Variants in ZNF860 observed in about 807,000 individuals in gnomAD.
ZNF860 encodes zinc finger protein 860.
For missense variants in ZNF860, 641 were observed against 759.2 expected (o/e 0.84, Z 1.83); for synonymous variants, 206 against 248.9 (o/e 0.83, Z 1.62).
At chr3:31,999,692 C>T in the ZNF860 span, among the ~76,000 whole-genome samples, 1 of 152,128 alleles carries the variant, frequency 6.6e-6, no homozygotes, top group African/African-American at 2.4e-5. Flanking sequence ...CTTTGCCATT[C>T]ATAAGTTTTG....
chr3:32,004,694 G>C, the ZNF860 span, among the ~76,000 whole-genome samples: 2 of 152,184 alleles, frequency 1.3e-5, no homozygotes, highest in East Asian at 1.9e-4. Context: ...CAGGTACCAA[G>C]AGAACAACAG....
the ZNF860 span, among the ~76,000 whole-genome samples, chr3:32,004,754 C>G: frequency 6.6e-6 from 1 of 152,114 alleles, no homozygotes; most frequent in Non-Finnish European, 1.5e-5. Flanking sequence ...CAGACACATG[C>G]GCAGTTATTT....
At position 31,990,474 on chromosome 3, in the gene ZNF860, C is replaced by T; in HGVS notation, c.1395C>T (p.His465=). 1.9e-6 allele frequency: 3 copies of T among 1,542,342 alleles called. No homozygotes were observed. The highest frequency in any genetic ancestry group is 2.6e-6 in the Non-Finnish European group (3 of 1,149,708). Residue 465 remains histidine (H), a synonymous_variant, in exon 2 of 2, where the codon CAC becomes CAT. Coordinates refer to ENST00000360311, the MANE Select transcript of ZNF860 (RefSeq NM_001137674.3). ...KCNECGKTFH[H]NSALVIHKAI... ...ATGAGTGTGGCAAGACCTTCCATCA[C>T]AATTCAGCCCTTGTAATTCATAAGG...
chr3:31,995,913 A>G (rs1699086693), downstream of ZNF860, among the ~76,000 whole-genome samples: 1 of 152,076 alleles, frequency 6.6e-6, no homozygotes, highest in Non-Finnish European at 1.5e-5. Flanking sequence ...CATCCATGAC[A>G]TCTCCCCTTC....
At chr3:31,993,049 G>T (rs1290638193), downstream of ZNF860, among the ~76,000 whole-genome samples, 1 of 151,950 alleles carries the variant, frequency 6.6e-6, no homozygotes, top group African/African-American at 2.4e-5. Context: ...AAAAGATATG[G>T]GTAAGGAAAT....
chr3:32,001,203 G>A, the ZNF860 span, among the ~76,000 whole-genome samples: 2 of 152,226 alleles, frequency 1.3e-5, no homozygotes, highest in Admixed American at 6.5e-5. Flanking sequence ...ACCAAGCAGC[G>A]ATGCCTAAGA....
downstream of ZNF860, among the ~76,000 whole-genome samples, chr3:31,996,355 T>TCC (rs574866941): frequency 8.5e-5 from 13 of 152,082 alleles, no homozygotes; most frequent in African/African-American, 3.1e-4. Flanking sequence ...CTCTAAACTC[T>TCC]CCCCCCCGTG....
intron 1 of ZNF860, among the ~76,000 whole-genome samples, chr3:31,982,390 A>G (rs1402292410): frequency 6.6e-6 from 1 of 152,212 alleles, no homozygotes; most frequent in Non-Finnish European, 1.5e-5. Flanking sequence ...AAAAGGTGAT[A>G]GATGATAGGT....
chr3:31,989,166 G>A lies in ZNF860; in HGVS notation c.87G>A (p.Val29=), dbSNP rs773674971. 3.7e-6 allele frequency: 6 copies of A among 1,614,024 alleles called. No individual in the cohort carries two copies. In the South Asian group the frequency reaches 4.4e-5, roughly 12 times the overall value. ...AGGGACACTTGACTTTTAGGGATGT[G>A]GCTATAGAATTCTCTTTGGAGGAGT... is the stretch of plus-strand genomic sequence containing the variant. ...LPQGHLTFRD[V]AIEFSLEEWK... Residue 29 remains valine (V), a synonymous_variant, in exon 2 of 2, where the codon GTG becomes GTA. Transcript: ENST00000360311.
chr3:32,000,400 A>G, the ZNF860 span, among the ~76,000 whole-genome samples: 1 of 152,158 alleles, frequency 6.6e-6, no homozygotes, highest in South Asian at 2.1e-4. Flanking sequence ...TCATAGCTAT[A>G]TGACCTCTCT....
At chr3:32,004,567 G>A in the ZNF860 span, among the ~76,000 whole-genome samples, 1 of 152,196 alleles carries the variant, frequency 6.6e-6, no homozygotes, top group African/African-American at 2.4e-5. Flanking sequence ...CTTGTTTCCA[G>A]GCATCACATT....
chr3:31,992,978 A>G (rs1699050038), downstream of ZNF860, among the ~76,000 whole-genome samples: 1 of 152,104 alleles, frequency 6.6e-6, no homozygotes, highest in African/African-American at 2.4e-5. Flanking sequence ...ACTCCAGCCC[A>G]GGCAATAGAG....
chr3:31,985,712 A>G (rs1489792170), intron 1 of ZNF860, among the ~76,000 whole-genome samples: 1 of 152,236 alleles, frequency 6.6e-6, no homozygotes, highest in Non-Finnish European at 1.5e-5. Context: ...TCTGATATCA[A>G]CTTGGTCATG....
chr3:31,990,268 C>A lies in ZNF860; in HGVS notation c.1189C>A (p.Leu397Ile). 6.2e-7 allele frequency: 1 copy of A among 1,614,024 alleles called. No individual in the cohort carries two copies. Among genetic ancestry groups the A allele is most frequent in the Non-Finnish European group, 8.5e-7 (1 of 1,179,968 alleles). ...TCAAGCAATCCATGGTATAGGGAAA[C>A]TTTATAAATGTAATGATTGTCACAA... ...HHQAIHGIGK[L>I]YKCNDCHKVF... is the part of the protein sequence containing the mutation. The change falls in exon 2 of 2, where the codon CTT becomes ATT. Residue 397 changes from leucine to isoleucine, a missense_variant. By Grantham distance (5) the Leu-to-Ile change is conservative. Transcript: ENST00000360311.
chr3:32,000,875 G>T, the ZNF860 span, among the ~76,000 whole-genome samples: 1 of 152,260 alleles, frequency 6.6e-6, no homozygotes, highest in East Asian at 1.9e-4. Context: ...ACTCTAAGAC[G>T]TGCAGCTTTC....
At chr3:32,001,254 G>A in the ZNF860 span, among the ~76,000 whole-genome samples, 16,020 of 152,118 alleles carry the variant, frequency 0.11, 1,021 homozygotes, top group East Asian at 0.32. Flanking sequence ...TGTCCCAAGA[G>A]AACTTCCCGG....
Position 31,988,936 on chromosome 3 carries a change from C to T in ZNF860, c.-144C>T, listed in dbSNP as rs529743590. The T allele has an allele frequency of 1.4e-5, 15 of 1,074,776 alleles. No homozygotes were observed. The East Asian group carries it at 2.1e-4, about 15-fold the overall frequency. 66.6% of individuals were successfully genotyped at this position (1,074,776 alleles called of 1,614,324 possible). On this transcript the variant is annotated 5_prime_UTR_variant, in exon 2 of 2. Transcript: ENST00000360311. ...AGTGCCTCCAAACCCCGACCCACAG[C>T]GACTGTGAGATAATCAGTGTTTGTT...
At chr3:31,987,031 A>G (rs1244212453) in intron 1 of ZNF860, among the ~76,000 whole-genome samples, 2 of 152,048 alleles carry the variant, frequency 1.3e-5, no homozygotes, top group Admixed American at 6.6e-5. Flanking sequence ...CTAAAAAATT[A>G]TTTCTAAACC....
downstream of ZNF860, among the ~76,000 whole-genome samples, chr3:31,996,562 A>G (rs898649398): frequency 6.6e-6 from 1 of 152,208 alleles, no homozygotes; most frequent in African/African-American, 2.4e-5. Flanking sequence ...TGACTTTCCC[A>G]AAGTTTAAAA....
Sources: allele counts gnomAD v4.1 joint callset (sites outside exome capture counted in the v4.1 genomes callset), GRCh38; gene constraint gnomAD v4.1.1; transcripts MANE v1.5; gene names NCBI Gene and HGNC (gene_info 2026-07-23, HGNC 2026-07-21).